BTBD9: variants seen among roughly 807,000 people sequenced by gnomAD.
The protein encoded by BTBD9 is BTB domain containing 9.
A neutral mutation model predicts 64.3 loss-of-function variants in BTBD9; 49 were observed. The observed-to-expected ratio is 0.76, with a 90% CI of 0.61 to 0.97. BTBD9 has a LOEUF of 0.97. Among genes scored for constraint, BTBD9 ranks in the 50% least tolerant of loss-of-function variants. The pLI, the probability that BTBD9 is intolerant of heterozygous loss-of-function variation, is 0.00. For synonymous variants in BTBD9, 260 were observed against 274.7 expected, an observed-to-expected ratio of 0.95 and a Z score of 0.53; for missense variants, 598 against 762.1, an observed-to-expected ratio of 0.78 and a Z score of 2.53.
At chr6:38,221,552 A>G (rs1025990217) in intron 9 of BTBD9, among the ~76,000 whole-genome samples, 1 of 152,220 alleles carries the variant, frequency 6.6e-6, no homozygotes, top group Non-Finnish European at 1.5e-5. Flanking sequence ...GAACCATTGC[A>G]TTGAAATAAT....
At chr6:38,245,153 AGT>A (rs1377892345) in intron 9 of BTBD9, among the ~76,000 whole-genome samples, 1 of 152,244 alleles carries the variant, frequency 6.6e-6, no homozygotes, top group Non-Finnish European at 1.5e-5. Context: ...TGGATCAAAG[AGT>A]GAGTAAAACA....
At chr6:38,336,013 G>A (rs1763878735) in intron 7 of BTBD9, among the ~76,000 whole-genome samples, 1 of 152,168 alleles carries the variant, frequency 6.6e-6, no homozygotes, top group Non-Finnish European at 1.5e-5. Context: ...TGTGATTACA[G>A]GTGTGAGCTA....
Position 38,174,806 on chromosome 6 carries a change from AAGC to A in BTBD9, c.*176_*178del. The A allele has an allele frequency of 1.4e-6, 1 of 716,686 alleles. No homozygotes were observed. Among genetic ancestry groups the A allele is most frequent in the East Asian group, 2.6e-5 (1 of 38,516 alleles). 44.4% of individuals were successfully genotyped at this position (716,686 alleles called of 1,614,324 possible). A position where few individuals can be genotyped will look rare whatever the true frequency, so the allele number is the denominator to read the frequency against. ...TGATTTGGATAAATTGAGAAGAACA[AAGC>A]AGCCCCTTTCTGTCCTTGGGAGAAA... is the stretch of plus-strand genomic sequence containing the variant. On this transcript the variant is annotated 3_prime_UTR_variant, in exon 11 of 11. Transcript: ENST00000481247.
intron 6 of BTBD9, among the ~76,000 whole-genome samples, chr6:38,368,395 C>T (rs1765275348): frequency 6.6e-6 from 1 of 152,008 alleles, no homozygotes; most frequent in East Asian, 1.9e-4. Context: ...AGTGCAGTGG[C>T]GTGATCTCAG....
chr6:38,316,733 C>T (rs1305624629), intron 7 of BTBD9, among the ~76,000 whole-genome samples: 1 of 152,138 alleles, frequency 6.6e-6, no homozygotes, highest in Admixed American at 6.5e-5. Context: ...TTATATACTA[C>T]AATCTCAGTC....
intron 6 of BTBD9, among the ~76,000 whole-genome samples, chr6:38,571,109 A>G (rs1404567085): frequency 6.6e-6 from 1 of 152,234 alleles, no homozygotes; most frequent in Non-Finnish European, 1.5e-5. Flanking sequence ...CTTTTTAAAA[A>G]ATGAAACTAA....
At chr6:38,266,183 ATTAT>A (rs1248839354) in intron 8 of BTBD9, among the ~76,000 whole-genome samples, 6 of 152,240 alleles carry the variant, frequency 3.9e-5, no homozygotes, top group African/African-American at 1.4e-4. Flanking sequence ...TCTTTTACAG[ATTAT>A]TTAATCACTT....
At chr6:38,316,316 A>G (rs1242987688) in intron 7 of BTBD9, among the ~76,000 whole-genome samples, 2 of 152,290 alleles carry the variant, frequency 1.3e-5, no homozygotes, top group South Asian at 2.1e-4. Flanking sequence ...GTTATTGCTG[A>G]TGAGTAATGA....
intron 9 of BTBD9, among the ~76,000 whole-genome samples, chr6:38,236,991 G>A (rs1763801257): frequency 6.6e-6 from 1 of 152,184 alleles, no homozygotes; most frequent in African/African-American, 2.4e-5. Context: ...GGGCCCAGGG[G>A]AAGCCTGATC....
intron 6 of BTBD9, among the ~76,000 whole-genome samples, chr6:38,471,548 G>A (rs533610654): frequency 5.0e-5 from 7 of 140,774 alleles, no homozygotes; most frequent in East Asian, 2.5e-4. Context: ...AAGGTTTTTC[G>A]TTGTTGTTGT....
At chr6:38,461,049 G>A (rs553182780) in intron 6 of BTBD9, among the ~76,000 whole-genome samples, 27 of 152,294 alleles carry the variant, frequency 1.8e-4, no homozygotes, top group Admixed American at 1.5e-3. Flanking sequence ...TTCTAACCAG[G>A]CGTTTCACGC....
chr6:38,608,844 T>C (rs983025425), intron 1 of BTBD9, among the ~76,000 whole-genome samples: 3 of 152,222 alleles, frequency 2.0e-5, no homozygotes, highest in Non-Finnish European at 4.4e-5. Context: ...ATTTTGCTCT[T>C]TTTCCCCTAT....
intron 6 of BTBD9, among the ~76,000 whole-genome samples, chr6:38,417,843 A>G (rs1767744876): frequency 6.6e-6 from 1 of 151,384 alleles, no homozygotes; most frequent in Non-Finnish European, 1.5e-5. Flanking sequence ...CAAATAAATA[A>G]GTATATGAAT....
At chr6:38,245,404 T>C (rs1191809751) in intron 9 of BTBD9, among the ~76,000 whole-genome samples, 1 of 151,776 alleles carries the variant, frequency 6.6e-6, no homozygotes, top group Non-Finnish European at 1.5e-5. Context: ...GGGCAGAGGG[T>C]GGGCTCCAGA....
chr6:38,300,254 A>C (rs1762335456), intron 7 of BTBD9, among the ~76,000 whole-genome samples: 1 of 152,200 alleles, frequency 6.6e-6, no homozygotes, highest in Non-Finnish European at 1.5e-5. Context: ...TGTTTTGGTT[A>C]CTGTAGCCTT....
intron 5 of BTBD9, 78 bp from the exon 6 acceptor site, chr6:38,577,797 A>G: frequency 7.9e-7 from 1 of 1,270,656 alleles, no homozygotes; most frequent in Middle Eastern, 1.9e-4. Context: ...ATAAAGTGTT[A>G]AAAGGTACAA....
intron 6 of BTBD9, among the ~76,000 whole-genome samples, chr6:38,383,178 G>T (rs1428982536): frequency 6.6e-6 from 1 of 152,256 alleles, no homozygotes; most frequent in East Asian, 1.9e-4. Context: ...ACCAAATTAG[G>T]TTTATTCCAG....
intron 7 of BTBD9, among the ~76,000 whole-genome samples, chr6:38,330,531 A>C (rs537573534): frequency 6.6e-6 from 1 of 152,288 alleles, no homozygotes; most frequent in Non-Finnish European, 1.5e-5. Context: ...ATAAAAAATA[A>C]AATACCGTCA....
At position 38,171,869 on chromosome 6, in the gene BTBD9, A is replaced by T. The variant is rs1484589884; in HGVS notation, c.*3116T>A. On this transcript the variant is annotated 3_prime_UTR_variant, in exon 11 of 11. Coordinates refer to ENST00000481247, the MANE Select transcript of BTBD9 (RefSeq NM_001099272.2). ...CTCAAAAAAAAAAAAAAAAAAAAAAAAAAAAAAAAAAAATAATAATAATAA... is the reference window on the plus strand; with the variant it reads ...CTCAAAAAAAAAAAAAAAAAAAAAATAAAAAAAAAAAAATAATAATAATAA... The T allele has an allele frequency of 6.0e-5, 6 of 100,662 alleles. No individual in the cohort carries two copies. The South Asian group carries it at 8.5e-4, about 14-fold the overall frequency. 6.2% of individuals were successfully genotyped at this position (100,662 alleles called of 1,614,324 possible).
Sources: allele counts gnomAD v4.1 joint callset (sites outside exome capture counted in the v4.1 genomes callset), GRCh38; gene constraint gnomAD v4.1.1; transcripts MANE v1.5; gene names NCBI Gene and HGNC (gene_info 2026-07-23, HGNC 2026-07-21).